The following DPP10 variants were observed in gnomAD, a reference collection of about 807,000 sequenced individuals.
The protein encoded by DPP10 is inactive dipeptidyl peptidase 10.
Under a neutral mutation model 120.9 loss-of-function variants are expected in DPP10, and 33 were observed. The ratio of observed to expected loss-of-function variants is 0.27; its 90% CI spans 0.21 to 0.37. DPP10 has a LOEUF of 0.37. Ranked by LOEUF, DPP10 falls within the 10% of genes least tolerant of loss-of-function variation. The pLI is 1.00. For missense variants in DPP10, 816 were observed against 942.8 expected (o/e 0.87, Z 1.76); for synonymous variants, 337 against 326.1 (o/e 1.03, Z -0.36).
chr2:115,543,601 G>T (rs536097127), intron 5 of DPP10, among the ~76,000 whole-genome samples: 1 of 151,640 alleles, frequency 6.6e-6, no homozygotes, highest in South Asian at 2.1e-4. Context: ...TTCTAACACC[G>T]CATATAAACT....
intron 1 of DPP10, among the ~76,000 whole-genome samples, chr2:114,490,492 G>A (rs898474060): frequency 1.3e-5 from 2 of 152,082 alleles, no homozygotes; most frequent in Non-Finnish European, 2.9e-5. Flanking sequence ...CCTTGAGAGG[G>A]CTCCCTCACG....
chr2:114,495,121 T>C (rs1235984002), intron 1 of DPP10, among the ~76,000 whole-genome samples: 1 of 152,096 alleles, frequency 6.6e-6, no homozygotes, highest in Non-Finnish European at 1.5e-5. Context: ...ATTATAGAAA[T>C]AGTAAAAAAA....
intron 5 of DPP10, among the ~76,000 whole-genome samples, chr2:115,554,578 G>A (rs2080092305): frequency 6.6e-6 from 1 of 151,846 alleles, no homozygotes; most frequent in African/African-American, 2.4e-5. Flanking sequence ...AATCCATGCT[G>A]GTATTTCAGG....
At chr2:115,253,745 C>T (rs1041920673) in intron 1 of DPP10, among the ~76,000 whole-genome samples, 2 of 152,250 alleles carry the variant, frequency 1.3e-5, no homozygotes, top group Admixed American at 6.5e-5. Flanking sequence ...ACAGCTCCAC[C>T]TCTGTGGCCA....
chr2:115,785,091 C>T (rs545294537), intron 17 of DPP10, among the ~76,000 whole-genome samples: 1 of 152,238 alleles, frequency 6.6e-6, no homozygotes, highest in Admixed American at 6.5e-5. Flanking sequence ...CTATAGATGA[C>T]TTAGGTTCTG....
intron 9 of DPP10, among the ~76,000 whole-genome samples, chr2:115,741,742 G>A (rs1430874027): frequency 6.6e-6 from 1 of 152,050 alleles, no homozygotes; most frequent in Admixed American, 6.6e-5. Flanking sequence ...AAAGAAATGG[G>A]ATTTTTTTTT....
intron 1 of DPP10, among the ~76,000 whole-genome samples, chr2:115,217,005 A>G (rs1251114014): frequency 1.3e-5 from 2 of 151,992 alleles, no homozygotes; most frequent in East Asian, 1.9e-4. Flanking sequence ...CGTCAAATAG[A>G]TATGTGTTGT....
chr2:115,336,391 G>C (rs1208630874), intron 2 of DPP10, among the ~76,000 whole-genome samples: 3 of 151,764 alleles, frequency 2.0e-5, no homozygotes, highest in East Asian at 1.9e-4. Flanking sequence ...AACCAATAAG[G>C]ATTCTGTTTC....
chr2:114,863,244 A>G (rs1346747730), intron 1 of DPP10, among the ~76,000 whole-genome samples: 4 of 152,248 alleles, frequency 2.6e-5, no homozygotes, highest in Non-Finnish European at 5.9e-5. Context: ...ATAGCAGGGA[A>G]GAAGTTAGCC....
At chr2:115,376,391 A>G (rs1192331325) in intron 3 of DPP10, among the ~76,000 whole-genome samples, 1 of 152,108 alleles carries the variant, frequency 6.6e-6, no homozygotes, top group Admixed American at 6.6e-5. Context: ...CAAAGATTAA[A>G]AAGACTGGGT....
chr2:115,446,784 T>C (rs2072636825), intron 3 of DPP10, among the ~76,000 whole-genome samples: 1 of 152,136 alleles, frequency 6.6e-6, no homozygotes, highest in Admixed American at 6.5e-5. Context: ...ATTGTATTAG[T>C]GTGAAGTTTG....
chr2:115,304,267 G>T (rs1358360318), intron 1 of DPP10, among the ~76,000 whole-genome samples: 1 of 151,886 alleles, frequency 6.6e-6, no homozygotes, highest in East Asian at 1.9e-4. Flanking sequence ...TCTATGTGAA[G>T]ATGTATTGAA....
chr2:115,481,890 A>G (rs544545537), intron 3 of DPP10, among the ~76,000 whole-genome samples: 4 of 152,194 alleles, frequency 2.6e-5, no homozygotes, highest in Admixed American at 2.0e-4. Flanking sequence ...GTAGAGCCCT[A>G]TATTAGTAGA....
chr2:114,477,870 TAC>T (rs1487825758), intron 1 of DPP10, among the ~76,000 whole-genome samples: 1 of 115,346 alleles, frequency 8.7e-6, no homozygotes, highest in Admixed American at 1.1e-4. Flanking sequence ...TGTATATATG[TAC>T]ATATATGTGT....
chr2:114,673,601 G>A (rs1409579815), intron 1 of DPP10, among the ~76,000 whole-genome samples: 2 of 151,774 alleles, frequency 1.3e-5, no homozygotes, highest in African/African-American at 4.8e-5. Flanking sequence ...GTCTACAGAT[G>A]CACACCACCT....
intron 3 of DPP10, among the ~76,000 whole-genome samples, chr2:115,411,720 A>G (rs1279052175): frequency 6.6e-6 from 1 of 152,194 alleles, no homozygotes; most frequent in African/African-American, 2.4e-5. Flanking sequence ...CTTTATTGAA[A>G]TAAGATTTTC....
intron 5 of DPP10, among the ~76,000 whole-genome samples, chr2:115,622,262 C>CA (rs923653624): frequency 3.3e-5 from 5 of 151,838 alleles, no homozygotes; most frequent in African/African-American, 9.7e-5. Context: ...GAACATTTCA[C>CA]AAAAAATGGT....
intron 1 of DPP10, among the ~76,000 whole-genome samples, chr2:115,014,766 A>G (rs1038721619): frequency 6.6e-5 from 10 of 151,960 alleles, no homozygotes; most frequent in African/African-American, 2.4e-4. Context: ...TCCTGGACAT[A>G]TACACCCTCC....
At chr2:114,831,705 T>C (rs78450864) in intron 1 of DPP10, among the ~76,000 whole-genome samples, 12,518 of 152,108 alleles carry the variant, frequency 0.082, 613 homozygotes, top group Non-Finnish European at 0.11. Context: ...TTCTATTTAA[T>C]GCAATTGGAG....
Sources: allele counts gnomAD v4.1 joint callset (sites outside exome capture counted in the v4.1 genomes callset), GRCh38; gene constraint gnomAD v4.1.1; transcripts MANE v1.5; gene names NCBI Gene and HGNC (gene_info 2026-07-23, HGNC 2026-07-21).